ZDHHC9: variants seen among roughly 807,000 people sequenced by gnomAD.
The protein encoded by ZDHHC9 is zDHHC palmitoyltransferase 9, also known as palmitoyltransferase ZDHHC9.
In ZDHHC9, 3 loss-of-function variants were observed where a neutral mutation model predicts 26.6. That is an observed-to-expected ratio of 0.11 (90% CI 0.05 to 0.29). ZDHHC9 has a LOEUF of 0.29. ZDHHC9 is among the 10% of genes least tolerant of loss of function. The pLI, the probability that ZDHHC9 is intolerant of heterozygous loss-of-function variation, is 1.00. For missense variants in ZDHHC9, 146 were observed against 296.4 expected (o/e 0.49, Z 3.73); for synonymous variants, 111 against 109.4 (o/e 1.01, Z -0.09).
At chrX:129,814,506 GC>G in intron 6 of ZDHHC9, 151 bp downstream of exon 6, 1 of 816,289 alleles carries the variant, frequency 1.2e-6, no homozygotes, top group Admixed American at 2.4e-5. Context: ...TTGCAACCCT[GC>G]TCAAGAGCAG....
At chrX:129,813,356 T>C (rs1927687233) in intron 7 of ZDHHC9, among the ~76,000 whole-genome samples, 1 of 111,613 alleles carries the variant, frequency 9.0e-6, no homozygotes, top group Non-Finnish European at 1.9e-5. Flanking sequence ...TACAAGACTC[T>C]GTCTCAAAAA....
At chrX:129,832,048 A>T (rs1446147266) in intron 3 of ZDHHC9, among the ~76,000 whole-genome samples, 1 of 110,314 alleles carries the variant, frequency 9.1e-6, no homozygotes, top group East Asian at 2.8e-4. Flanking sequence ...TCACCATTAA[A>T]AAAATAAGTA....
chrX:129,825,548 C>T (rs183014494), intron 4 of ZDHHC9, among the ~76,000 whole-genome samples: 16 of 110,630 alleles, frequency 1.4e-4, no homozygotes, highest in Admixed American at 1.1e-3. Context: ...CCATCATATA[C>T]GTGTACTATG....
rs1469753330 is a variant in ZDHHC9 at position 129,808,212 on chromosome X, AG to A, written c.979-1727del. On this transcript the variant is annotated intron_variant, in intron 10 of 10. Coordinates refer to ENST00000357166, the MANE Select transcript of ZDHHC9 (RefSeq NM_016032.4). ...AGCTGGCTTCTTTTCATAAATGACAAGTTGATCCTAAGATTCATACGGAAAT... is the reference window on the plus strand; with the variant it reads ...AGCTGGCTTCTTTTCATAAATGACAATTGATCCTAAGATTCATACGGAAAT... 3.6e-5 allele frequency among the ~76,000 whole-genome samples: 4 copies of A among 112,109 alleles called. No individual in the cohort carries two copies. In the East Asian group the frequency reaches 1.1e-3, roughly 31 times the overall value.
intron 8 of ZDHHC9, among the ~76,000 whole-genome samples, chrX:129,812,365 G>T (rs941670065): frequency 8.9e-6 from 1 of 112,603 alleles, no homozygotes; most frequent in Non-Finnish European, 1.9e-5. Context: ...GATTACAGGC[G>T]TGAGCCACCA....
chrX:129,830,110 C>G (rs763050731), intron 3 of ZDHHC9, among the ~76,000 whole-genome samples: 19 of 112,065 alleles, frequency 1.7e-4, no homozygotes, highest in Admixed American at 3.8e-4. Flanking sequence ...TCTCTCTTCT[C>G]TACTCCCTGT....
chrX:129,810,985 C>T lies in ZDHHC9; in HGVS notation c.898G>A (p.Gly300Ser). The T allele has an allele frequency of 8.3e-7, 1 of 1,210,083 alleles. No homozygotes were observed. The highest frequency in any genetic ancestry group is 1.1e-6 in the Non-Finnish European group (1 of 894,535). The change falls in exon 10 of 11, where the codon GGT becomes AGT. Residue 300 changes from glycine (G) to serine (S), a missense_variant. Coordinates refer to ENST00000357166, the MANE Select transcript of ZDHHC9 (RefSeq NM_016032.4). ...PLPPSVLDRR[G>S]ILPLEESGSR... ...CCACTTTCCTCCAGTGGCAAAATACCCCTTCGATCCAGCACACTGAAGGAG... is the reference window on the plus strand; with the variant it reads ...CCACTTTCCTCCAGTGGCAAAATACTCCTTCGATCCAGCACACTGAAGGAG...
chrX:129,821,332 A>T (rs5930364), intron 5 of ZDHHC9, among the ~76,000 whole-genome samples: 3 of 100,466 alleles, frequency 3.0e-5, no homozygotes, highest in African/African-American at 1.1e-4. Context: ...TTGCTCTGTC[A>T]CCCAGGCTGG....
At chrX:129,812,447 C>T (rs1927663944) in intron 8 of ZDHHC9, among the ~76,000 whole-genome samples, 1 of 112,339 alleles carries the variant, frequency 8.9e-6, no homozygotes. Context: ...CCATGCCAAA[C>T]AGAGGCACCA....
chrX:129,806,484 G>T lies in ZDHHC9; in HGVS notation c.981C>A (p.Ala327=). The T allele has an allele frequency of 8.3e-7, 1 of 1,203,395 alleles. No individual in the cohort carries two copies. The highest frequency in any genetic ancestry group is 1.1e-6 in the Non-Finnish European group (1 of 888,452). The change falls in exon 11 of 11, where the codon GCC becomes GCA. Residue 327 remains alanine (A), a splice_region_variant and synonymous_variant. Transcript: ENST00000357166. ...CATTTGAGTTCAGGTGTTCTGTGGG[G>T]GCCTGAGAAGGAAAAGATATGAGAT... is the stretch of plus-strand genomic sequence containing the variant. ...TSSSLLPQSP[A]PTEHLNSNEM...
chrX:129,812,730 T>G lies in ZDHHC9; in HGVS notation c.765A>C (p.Thr255=), dbSNP rs183551422. 1.7e-6 allele frequency: 2 copies of G among 1,208,863 alleles called. No homozygotes were observed. Among genetic ancestry groups the G allele is most frequent in the East Asian group, 5.9e-5 (2 of 33,823 alleles). The change falls in exon 8 of 11, where the codon ACA becomes ACC. Residue 255 remains threonine (T), a synonymous_variant. Transcript: ENST00000357166. The part of the protein sequence containing the change: ...FHTFLVALNQ[T]TNEDIKGSWT... ...AAAGTTGACTCACGTCTTCATTGGTTGTCTGGTTGAGAGCCACGAGGAAAG... is the reference window on the plus strand; with the variant it reads ...AAAGTTGACTCACGTCTTCATTGGTGGTCTGGTTGAGAGCCACGAGGAAAG...
At chrX:129,828,845 ATGATC>A in intron 4 of ZDHHC9, 131 bp downstream of exon 4, 1 of 869,386 alleles carries the variant, frequency 1.2e-6, no homozygotes, top group African/African-American at 2.0e-5. Context: ...CGGGGTAGTC[ATGATC>A]TCAGATTCAG....
chrX:129,807,454 GAAA>G (rs779819713), intron 10 of ZDHHC9, among the ~76,000 whole-genome samples: 2 of 27,401 alleles, frequency 7.3e-5, no homozygotes, highest in Admixed American at 4.5e-4. Context: ...CTCCGTCTCA[GAAA>G]AAAAAAAAAA....
intron 4 of ZDHHC9, among the ~76,000 whole-genome samples, chrX:129,825,174 G>A (rs1313985290): frequency 1.8e-5 from 2 of 110,790 alleles, no homozygotes; most frequent in African/African-American, 3.3e-5. Context: ...ATGGTGGCAC[G>A]CATCTGTAAT....
chrX:129,823,315 T>G (rs1927933670), intron 5 of ZDHHC9: 1 of 215,730 alleles, frequency 4.6e-6, no homozygotes. Flanking sequence ...AGACAGACCT[T>G]CCTTCCTCAA....
intron 10 of ZDHHC9, among the ~76,000 whole-genome samples, chrX:129,810,294 C>T (rs1332492890): frequency 3.0e-5 from 3 of 101,281 alleles, no homozygotes; most frequent in Non-Finnish European, 4.0e-5. Context: ...TGCAATGAGC[C>T]GAGATCACAC....
intron 3 of ZDHHC9, among the ~76,000 whole-genome samples, chrX:129,839,702 G>A (rs775813380): frequency 5.4e-5 from 6 of 111,190 alleles, no homozygotes; most frequent in South Asian, 3.8e-4. Context: ...AAGTGTCTAT[G>A]TGTCTGTATA....
At chrX:129,825,920 T>A (rs1448432283) in intron 4 of ZDHHC9, among the ~76,000 whole-genome samples, 1 of 111,557 alleles carries the variant, frequency 9.0e-6, no homozygotes, top group Non-Finnish European at 1.9e-5. Context: ...GGTCAAAGGG[T>A]ATGACCCTTT....
At chrX:129,818,988 C>T (rs1477440878) in intron 5 of ZDHHC9, among the ~76,000 whole-genome samples, 3 of 108,534 alleles carry the variant, frequency 2.8e-5, no homozygotes, top group Non-Finnish European at 3.8e-5. Flanking sequence ...CTGGCTAACA[C>T]GGTGAAATCC....
Sources: gnomAD v4.1 joint callset for allele counts (sites outside exome capture counted in the v4.1 genomes callset) on GRCh38, gnomAD v4.1.1 for gene constraint, MANE v1.5 for transcripts, NCBI Gene and HGNC (gene_info 2026-07-23, HGNC 2026-07-21) for gene names.